Variants in DYNC2H1 observed in about 807,000 individuals in gnomAD.
DYNC2H1 encodes dynein cytoplasmic 2 heavy chain 1.
Under a neutral mutation model 570.0 loss-of-function variants are expected in DYNC2H1, and 410 were observed. That is an observed-to-expected ratio of 0.72 (90% CI 0.66 to 0.78). The LOEUF (loss-of-function observed/expected upper bound fraction) is 0.78. Ranked by LOEUF, DYNC2H1 falls within the 30% of genes least tolerant of loss-of-function variation. The probability of loss-of-function intolerance (pLI) is 0.00; values close to 1 mark genes in which losing one functional copy is unlikely to be tolerated. For synonymous variants in DYNC2H1, 1,688 were observed against 1,677.6 expected (o/e 1.01, Z -0.15); for missense variants, 4,865 against 5,046.4 (o/e 0.96, Z 1.09).
At chr11:103,475,040 T>C (rs1945509222) in intron 88 of DYNC2H1, among the ~76,000 whole-genome samples, 2 of 152,202 alleles carry the variant, frequency 1.3e-5, no homozygotes. Context: ...AGAAAAATTA[T>C]GCAAGATGTT....
At chr11:103,478,412 G>T (rs1238632786) in intron 88 of DYNC2H1, among the ~76,000 whole-genome samples, 2 of 151,994 alleles carry the variant, frequency 1.3e-5, no homozygotes, top group African/African-American at 4.8e-5. Context: ...GCCTCTAATA[G>T]CCAAAAAAGA....
intron 19 of DYNC2H1, 49 bp downstream of exon 19, chr11:103,147,936 G>T: frequency 5.5e-6 from 7 of 1,261,418 alleles, no homozygotes; most frequent in Non-Finnish European, 7.8e-6. Flanking sequence ...ATATGTAGAA[G>T]CATGTACTTT....
At chr11:103,224,252 T>TA (rs112591683) in intron 59 of DYNC2H1, among the ~76,000 whole-genome samples, 113,683 of 146,096 alleles carry the variant, frequency 0.78, 43,247 homozygotes, top group Admixed American at 0.83. Flanking sequence ...TTATGTTCTT[T>TA]TAAAAAAAAA....
At chr11:103,215,664 C>CTT in intron 54 of DYNC2H1, 57 bp from the exon 55 acceptor site, 1 of 1,312,902 alleles carries the variant, frequency 7.6e-7, no homozygotes, top group Non-Finnish European at 9.7e-7. Context: ...GCTTTATTTA[C>CTT]TGTGTGTGTA....
intron 55 of DYNC2H1, among the ~76,000 whole-genome samples, chr11:103,216,735 A>G (rs982348570): frequency 2.6e-5 from 4 of 152,174 alleles, no homozygotes; most frequent in African/African-American, 9.6e-5. Flanking sequence ...GAGGTTGCAC[A>G]ACGAGCTGAA....
At chr11:103,288,623 G>C (rs548924950) in intron 75 of DYNC2H1, among the ~76,000 whole-genome samples, 1 of 128,636 alleles carries the variant, frequency 7.8e-6, no homozygotes, top group South Asian at 2.6e-4. Flanking sequence ...AAAACGGGCA[G>C]ATCACTCGAG....
At chr11:103,415,173 G>T (rs947941219) in intron 84 of DYNC2H1, among the ~76,000 whole-genome samples, 19 of 152,126 alleles carry the variant, frequency 1.2e-4, no homozygotes, top group African/African-American at 4.3e-4. Context: ...ATTCGAGATG[G>T]ATTAAAGACT....
intron 75 of DYNC2H1, among the ~76,000 whole-genome samples, chr11:103,301,043 C>T (rs570272634): frequency 1.2e-3 from 176 of 151,942 alleles, no homozygotes; most frequent in African/African-American, 3.9e-3. Context: ...TAACACTAAT[C>T]ATTGTTAACG....
At chr11:103,125,657 G>A (rs897165848) in intron 12 of DYNC2H1, among the ~76,000 whole-genome samples, 1 of 152,078 alleles carries the variant, frequency 6.6e-6, no homozygotes, top group African/African-American at 2.4e-5. Context: ...AATGGTTTCT[G>A]TTTCTAGTCA....
rs770230183 is a variant in DYNC2H1, at chr11:103,224,458, G to A, written c.9353+1372G>A. ...CAATGCCTCATTCTTACGCCTTTGC[G>A]TCCTTATAGCTTAGCTCCTACGTGA... On this transcript the variant is annotated intron_variant, in intron 59 of 88. Coordinates refer to ENST00000375735, the MANE Select transcript of DYNC2H1 (RefSeq NM_001377.3). 5.9e-5 allele frequency among the ~76,000 whole-genome samples: 9 copies of A among 152,090 alleles called. No homozygotes were observed. The East Asian group carries it at 9.6e-4, about 16-fold the overall frequency.
At chr11:103,457,731 T>TC (rs1479759313) in intron 87 of DYNC2H1, among the ~76,000 whole-genome samples, 1 of 152,180 alleles carries the variant, frequency 6.6e-6, no homozygotes, top group Non-Finnish European at 1.5e-5. Flanking sequence ...TGCCTTGGCC[T>TC]CCCAGAGTGC....
rs1227550048 is a variant in DYNC2H1, at chr11:103,446,236, T to C, written c.12457-8950T>C. On this transcript the variant is annotated intron_variant, in intron 85 of 88. Transcript: ENST00000375735. The surrounding 1 kb of genome is among the most constrained non-coding windows in gnomAD (Gnocchi z 4.5). ...ATTATCAGCATATCAACATAGTGTT[T>C]AAAACCATAGGAATGGCCAAGTATC... Among the ~76,000 whole-genome samples the C allele has an allele frequency of 6.6e-6, 1 of 152,184 alleles. No individual in the cohort carries two copies. The highest frequency in any genetic ancestry group is 1.5e-5 in the Non-Finnish European group (1 of 68,026).
At position 103,234,159 on chromosome 11, in the gene DYNC2H1, AG is replaced by A. The variant is rs1214101055; in HGVS notation, c.9567+1del. 5.7e-6 allele frequency: 9 copies of A among 1,584,374 alleles called. No individual in the cohort carries two copies. Among genetic ancestry groups the A allele is most frequent in the Non-Finnish European group, 6.9e-6 (8 of 1,163,920 alleles). On this transcript the variant is annotated frameshift_variant and splice_region_variant, in exon 61 of 89. Transcript: ENST00000375735. LOFTEE classifies it high-confidence loss of function. ...LDREHKRWNA[Q>X]VVEITEELAT... ...AGAGAACATAAGAGATGGAATGCAC[AG>A]GTTTGTTTGAGAGAGGGGCCATGAG...
At chr11:103,187,949 G>C (rs1272402849) in intron 43 of DYNC2H1, among the ~76,000 whole-genome samples, 1 of 151,858 alleles carries the variant, frequency 6.6e-6, no homozygotes, top group Admixed American at 6.6e-5. Flanking sequence ...AGTTAGACTT[G>C]GTCATGTTTT....
Position 103,362,229 on chromosome 11 carries a change from C to T in DYNC2H1, c.12156+3870C>T, listed in dbSNP as rs932839477. ...TGCTGAAAAATCGAAGCTCTTAAAC[C>T]ATTTAGGAAAACAAAAACAATGATT... On this transcript the variant is annotated intron_variant, in intron 83 of 88. Transcript: ENST00000375735. Among the ~76,000 whole-genome samples, 4 of 150,136 alleles carry T rather than the reference C, an allele frequency of 2.7e-5. No homozygotes were observed. In the East Asian group the frequency reaches 7.8e-4, roughly 29 times the overall value.
At position 103,241,664 on chromosome 11, in the gene DYNC2H1, A is replaced by C. The variant is rs1864427481; in HGVS notation, c.9820-2029A>C. Reference sequence around the variant, plus strand: ...ATTAGATCAAAAACCTAGGTGCAGCACCATGGTAACACTTCACAGGCTATT... The same window carrying C: ...ATTAGATCAAAAACCTAGGTGCAGCCCCATGGTAACACTTCACAGGCTATT... On this transcript the variant is annotated intron_variant, in intron 63 of 88. Coordinates refer to ENST00000375735, the MANE Select transcript of DYNC2H1 (RefSeq NM_001377.3). This position sits in a 1 kb window ranked among gnomAD's most constrained non-coding sequence, Gnocchi z 5.1. 1.3e-6 allele frequency: 1 copy of C among 783,580 alleles called. No individual in the cohort carries two copies. Among genetic ancestry groups the C allele is most frequent in the African/African-American group, 1.8e-5 (1 of 56,974 alleles). The allele number at this position is 783,580 out of a possible 1,614,324, so 48.5% of individuals were successfully genotyped here. A position where few individuals can be genotyped will look rare whatever the true frequency, so the allele number is the denominator to read the frequency against.
chr11:103,385,176 G>A (rs915927073), intron 83 of DYNC2H1, among the ~76,000 whole-genome samples: 1 of 151,912 alleles, frequency 6.6e-6, no homozygotes, highest in Non-Finnish European at 1.5e-5. Context: ...TTAAAAAATT[G>A]GGTAAGATTT....
chr11:103,159,961 A>G (rs992545630), intron 28 of DYNC2H1, among the ~76,000 whole-genome samples: 3 of 152,118 alleles, frequency 2.0e-5, no homozygotes, highest in African/African-American at 7.2e-5. Flanking sequence ...GACACTGACC[A>G]TATGGTCCAT....
chr11:103,204,665 C>A lies in DYNC2H1; in HGVS notation c.8312-157C>A, dbSNP rs939429098. ...GCACATACACAAATTTATAAGTGTT[C>A]TTTTAACTAAAATAAAAATCATAAC... On this transcript the variant is annotated intron_variant, in intron 51 of 88. Coordinates refer to ENST00000375735, the MANE Select transcript of DYNC2H1 (RefSeq NM_001377.3). The surrounding 1 kb of genome is among the most constrained non-coding windows in gnomAD (Gnocchi z 4.1). 5.9e-5 allele frequency among the ~76,000 whole-genome samples: 9 copies of A among 151,844 alleles called. No individual in the cohort carries two copies. The highest frequency in any genetic ancestry group is 2.2e-4 in the African/African-American group (9 of 41,372).
Sources: allele counts gnomAD v4.1 joint callset (sites outside exome capture counted in the v4.1 genomes callset), GRCh38; gene constraint gnomAD v4.1.1; non-coding constraint Gnocchi (gnomAD v3.1); transcripts MANE v1.5; gene names NCBI Gene and HGNC (gene_info 2026-07-23, HGNC 2026-07-21).